FHOD3: variants seen among roughly 807,000 people sequenced by gnomAD.
The protein encoded by FHOD3 is FH1/FH2 domain-containing protein 3.
A neutral mutation model predicts 173.0 loss-of-function variants in FHOD3; 90 were observed. The ratio of observed to expected loss-of-function variants is 0.52; its 90% CI spans 0.44 to 0.62. The LOEUF (loss-of-function observed/expected upper bound fraction) is 0.62, where lower values mean the gene tolerates loss of function less well. FHOD3 is among the 20% of genes least tolerant of loss of function. FHOD3 has a pLI of 0.00. For missense variants in FHOD3, 1,945 were observed against 2,034.7 expected, an observed-to-expected ratio of 0.96 and a Z score of 0.85; for synonymous variants, 828 against 823.0, an observed-to-expected ratio of 1.01 and a Z score of -0.10.
At position 36,439,932 on chromosome 18, in the gene FHOD3, C is replaced by T. The variant is rs765773463; in HGVS notation, c.338-62000C>T. On this transcript the variant is annotated intron_variant, in intron 3 of 28. Coordinates refer to ENST00000590592, the MANE Select transcript of FHOD3 (RefSeq NM_001281740.3). The stretch of plus-strand genomic sequence containing the variant: ...CCCCATCCCCACAATGGTGAGGGGG[C>T]TCTTCTTTACTCAGTCTACAGATTT... Among the ~76,000 whole-genome samples, 89 of 152,242 alleles carry T rather than the reference C, an allele frequency of 5.8e-4. No individual in the cohort carries two copies. In the Middle Eastern group the frequency reaches 0.014, roughly 23 times the overall value.
intron 2 of FHOD3, among the ~76,000 whole-genome samples, chr18:36,370,017 GTACCT>G (rs1246694899): frequency 4.6e-5 from 7 of 152,168 alleles, no homozygotes; most frequent in Non-Finnish European, 2.9e-5. Flanking sequence ...CACAGAAGTA[GTACCT>G]ACATCAGAGG....
rs1403238525 is a variant in FHOD3, at chr18:36,625,673, C to T, written c.1120C>T (p.Leu374=). The T allele has an allele frequency of 6.2e-7, 1 of 1,612,418 alleles. No homozygotes were observed. The highest frequency in any genetic ancestry group is 1.1e-5 in the South Asian group (1 of 90,820). The change falls in exon 10 of 29, where the codon CTG becomes TTG. Residue 374 remains leucine (L), a synonymous_variant. Coordinates refer to ENST00000590592, the MANE Select transcript of FHOD3 (RefSeq NM_001281740.3). ...CTCGGTGCAGAGCATCAAGAGCACC[C>T]TGTCGGCCCCCACCAGTCCCTGCTC... ...RHSVQSIKST[L]SAPTSPCSQS...
chr18:36,392,885 G>T (rs2146507914), intron 3 of FHOD3, among the ~76,000 whole-genome samples: 1 of 152,302 alleles, frequency 6.6e-6, no homozygotes, highest in Non-Finnish European at 1.5e-5. Context: ...TTGCCAATTA[G>T]GATAATGGAC....
chr18:36,680,176 C>T (rs1182890052), intron 14 of FHOD3, among the ~76,000 whole-genome samples: 1 of 152,184 alleles, frequency 6.6e-6, no homozygotes, highest in African/African-American at 2.4e-5. Context: ...TACTCCCTCC[C>T]TGTAGCTGCC....
chr18:36,730,562 A>T, intron 19 of FHOD3, 84 bp from the exon 20 acceptor site: 1 of 1,361,128 alleles, frequency 7.3e-7, no homozygotes, highest in Non-Finnish European at 1.0e-6. Flanking sequence ...ATCTCTAAAT[A>T]AGTAGTGAGT....
rs551419042 is a variant in FHOD3 at position 36,583,808 on chromosome 18, T to A, written c.606+7263T>A. On this transcript the variant is annotated intron_variant, in intron 6 of 28. Coordinates refer to ENST00000590592, the MANE Select transcript of FHOD3 (RefSeq NM_001281740.3). Reference sequence around the variant, plus strand: ...ATTATCTGAGGTTTTATTGTTTAATTATTATTATTATTATTATTACTATTA... The same window carrying A: ...ATTATCTGAGGTTTTATTGTTTAATAATTATTATTATTATTATTACTATTA... Among the ~76,000 whole-genome samples the A allele has an allele frequency of 5.3e-5, 8 of 150,658 alleles. No homozygotes were observed. In the East Asian group the frequency reaches 9.8e-4, roughly 18 times the overall value.
At chr18:36,453,008 A>C (rs2051958318) in intron 3 of FHOD3, among the ~76,000 whole-genome samples, 1 of 152,134 alleles carries the variant, frequency 6.6e-6, no homozygotes, top group Non-Finnish European at 1.5e-5. Flanking sequence ...CTACATAGAC[A>C]TCTCTTTGAG....
At chr18:36,330,808 A>G (rs984590286) in intron 1 of FHOD3, among the ~76,000 whole-genome samples, 13 of 152,152 alleles carry the variant, frequency 8.5e-5, no homozygotes, top group African/African-American at 3.1e-4. Flanking sequence ...GTCTTGGTGA[A>G]TGCAGCATCA....
rs573807414 is a variant in FHOD3, at chr18:36,743,179, C to T, written c.3879+323C>T. Among the ~76,000 whole-genome samples, 73 of 152,052 alleles carry T rather than the reference C, an allele frequency of 4.8e-4. No individual in the cohort carries two copies. In the Middle Eastern group the frequency reaches 0.014, roughly 28 times the overall value. On this transcript the variant is annotated intron_variant, in intron 22 of 28. Coordinates refer to ENST00000590592, the MANE Select transcript of FHOD3 (RefSeq NM_001281740.3). ...AAAAAATTAGCCAGGCATGGCAGCA[C>T]GCACCTGTAGTTCCAGCTACTCGGA...
At chr18:36,304,556 A>AT (rs752262255) in intron 1 of FHOD3, among the ~76,000 whole-genome samples, 29 of 150,340 alleles carry the variant, frequency 1.9e-4, no homozygotes, top group Middle Eastern at 6.9e-3. Context: ...CCATCAGTGG[A>AT]TTTTTTTTTT....
intron 9 of FHOD3, among the ~76,000 whole-genome samples, chr18:36,615,808 A>C (rs1428918477): frequency 6.6e-6 from 1 of 152,228 alleles, no homozygotes; most frequent in Admixed American, 6.5e-5. Context: ...AAATGGAGAG[A>C]GTGATGTATA....
intron 3 of FHOD3, among the ~76,000 whole-genome samples, chr18:36,412,886 G>C (rs2146922963): frequency 6.6e-6 from 1 of 152,274 alleles, no homozygotes; most frequent in Admixed American, 6.5e-5. Context: ...GGAGTGGTGG[G>C]GATGGAAGCT....
intron 18 of FHOD3, 190 bp downstream of exon 18, chr18:36,709,581 C>G (rs2040060245): frequency 1.6e-6 from 1 of 618,728 alleles, no homozygotes; most frequent in Non-Finnish European, 2.8e-6. Flanking sequence ...AGCCTTCTGC[C>G]CTGTAGAAAG....
rs1321482767 is a variant in FHOD3, at chr18:36,760,654, A to G, written c.4496A>G (p.Gln1499Arg). 3 of 1,599,208 alleles carry G rather than the reference A, an allele frequency of 1.9e-6. No homozygotes were observed. The highest frequency in any genetic ancestry group is 1.7e-6 in the Non-Finnish European group (2 of 1,171,910). Reference sequence around the variant, plus strand: ...TCTCCGGCGCCCCCAAGCCAGCCGCAGGGTCTGAGCTATGCGGAGGACGCG... The same window carrying G: ...TCTCCGGCGCCCCCAAGCCAGCCGCGGGGTCTGAGCTATGCGGAGGACGCG... ...GSSPAPPSQPQGLSYAEDAAE... is the reference protein window; with the variant it reads ...GSSPAPPSQPRGLSYAEDAAE... Residue 1499 changes from glutamine to arginine, a missense_variant, in exon 27 of 29, where the codon CAG becomes CGG. Coordinates refer to ENST00000590592, the MANE Select transcript of FHOD3 (RefSeq NM_001281740.3).
At chr18:36,454,366 C>T (rs977809123) in intron 3 of FHOD3, among the ~76,000 whole-genome samples, 3 of 152,004 alleles carry the variant, frequency 2.0e-5, no homozygotes, top group Non-Finnish European at 4.4e-5. Context: ...CACACATGAG[C>T]GCATATAGGA....
At chr18:36,370,233 AT>A (rs1299450824) in intron 2 of FHOD3, among the ~76,000 whole-genome samples, 1 of 152,022 alleles carries the variant, frequency 6.6e-6, no homozygotes, top group Non-Finnish European at 1.5e-5. Context: ...AGGTTTCTTC[AT>A]GTATAGGATT....
intron 1 of FHOD3, among the ~76,000 whole-genome samples, chr18:36,333,221 C>A (rs1032997114): frequency 6.6e-6 from 1 of 152,094 alleles, no homozygotes; most frequent in Non-Finnish European, 1.5e-5. Context: ...TAGACTTTAT[C>A]GGGTTCTAAT....
chr18:36,410,375 A>C (rs1451813659), intron 3 of FHOD3, among the ~76,000 whole-genome samples: 2 of 152,180 alleles, frequency 1.3e-5, no homozygotes, highest in African/African-American at 4.8e-5. Context: ...CATTGTATGG[A>C]TACACTACAT....
chr18:36,744,991 C>T (rs536344433), intron 23 of FHOD3, among the ~76,000 whole-genome samples: 2 of 152,310 alleles, frequency 1.3e-5, no homozygotes, highest in South Asian at 2.1e-4. Context: ...TAGAAACACT[C>T]CTGGCTGGAG....
Sources: allele counts gnomAD v4.1 joint callset (sites outside exome capture counted in the v4.1 genomes callset), GRCh38; gene constraint gnomAD v4.1.1; transcripts MANE v1.5; gene names NCBI Gene and HGNC (gene_info 2026-07-23, HGNC 2026-07-21).